The following GPI variants were observed in gnomAD, a reference collection of about 807,000 sequenced individuals.
GPI encodes the protein D-hexose-6-phosphate anomerase.
Under a neutral mutation model 75.8 loss-of-function variants are expected in GPI, and 56 were observed. That is an observed-to-expected ratio of 0.74 (90% CI 0.60 to 0.92). The LOEUF is 0.92. GPI is among the 40% of genes least tolerant of loss of function. The pLI, the probability that GPI is intolerant of heterozygous loss-of-function variation, is 0.00. For missense variants in GPI, 638 were observed against 741.0 expected (o/e 0.86, Z 1.61); for synonymous variants, 288 against 285.4 (o/e 1.01, Z -0.09).
chr19:34,391,317 A>T (rs1234535439), intron 9 of GPI, among the ~76,000 whole-genome samples: 1 of 7,432 alleles, frequency 1.3e-4, no homozygotes, highest in Non-Finnish European at 3.7e-4. Context: ...TGGTATGAGG[A>T]TCTAGGACTG....
At chr19:34,379,808 CAGGCCTGACTG>C (rs1299053966) in intron 8 of GPI, 1 of 621,810 alleles carries the variant, frequency 1.6e-6, no homozygotes, top group African/African-American at 1.8e-5. Flanking sequence ...TTCCGTCTCC[CAGGCCTGACTG>C]ATACACAGAA....
chr19:34,363,493 C>T (rs2074314379), upstream of GPI: 1 of 151,624 alleles, frequency 6.6e-6, no homozygotes, highest in East Asian at 1.9e-4. Flanking sequence ...AGATGAGTAA[C>T]TGGCTTAGAA....
At position 34,400,687 on chromosome 19, in the gene GPI, G is replaced by GTC. The variant is rs1469520480; in HGVS notation, c.*651_*652insTC. On this transcript the variant is annotated 3_prime_UTR_variant, in exon 18 of 18. Coordinates refer to ENST00000356487, the MANE Select transcript of GPI (RefSeq NM_000175.5). ...GAGGATGACTGCCATCTCCTGGCAA[G>GTC]ACGCTCAGGTAGTTCTTTTGCTTTA... is the stretch of plus-strand genomic sequence containing the variant. 1 of 403,366 alleles carries GTC rather than the reference G, an allele frequency of 2.5e-6. No individual in the cohort carries two copies. Among genetic ancestry groups the GTC allele is most frequent in the East Asian group, 3.5e-5 (1 of 28,194 alleles). The allele number at this position is 403,366 out of a possible 1,614,324, so 25.0% of individuals were successfully genotyped here.
chr19:34,365,113 C>A (rs2074334866), upstream of GPI: 1 of 859,180 alleles, frequency 1.2e-6, no homozygotes, highest in Non-Finnish European at 1.5e-6. Flanking sequence ...GGGTCGGGGG[C>A]GGGGCCGGGG....
At chr19:34,381,900 A>C (rs1357285099) in intron 9 of GPI, among the ~76,000 whole-genome samples, 3 of 152,150 alleles carry the variant, frequency 2.0e-5, no homozygotes, top group African/African-American at 7.2e-5. Flanking sequence ...GTGAGGCATG[A>C]GGTATGACCG....
chr19:34,367,001 T>C (rs1171784008), intron 3 of GPI, 150 bp downstream of exon 3: 2 of 716,848 alleles, frequency 2.8e-6, no homozygotes, highest in Non-Finnish European at 5.1e-6. Flanking sequence ...CTCCTGCTTG[T>C]AGCAGGGCTT....
rs2075017779 is a variant in GPI, at chr19:34,401,234, T to C, written c.*1198T>C. The C allele has an allele frequency of 6.6e-6, 1 of 151,830 alleles. No homozygotes were observed. Among genetic ancestry groups the C allele is most frequent in the Admixed American group, 6.6e-5 (1 of 15,248 alleles). The allele number at this position is 151,830 out of a possible 1,614,324, so 9.4% of individuals were successfully genotyped here. A position where few individuals can be genotyped will look rare whatever the true frequency, so the allele number is the denominator to read the frequency against. ...GTAGAGAGACGGGTCTTTTTTTTTT[T>C]TGAGACGGAGTCTCGCTCTGTCGCC... On this transcript the variant is annotated 3_prime_UTR_variant, in exon 18 of 18. Transcript: ENST00000356487.
chr19:34,373,894 GATCC>G (rs1458601787), intron 4 of GPI, among the ~76,000 whole-genome samples: 2 of 152,196 alleles, frequency 1.3e-5, no homozygotes, highest in South Asian at 2.1e-4. Context: ...CAGAGTGAGT[GATCC>G]AATAGAGAGT....
chr19:34,371,358 C>G (rs2074449251), intron 4 of GPI, among the ~76,000 whole-genome samples: 1 of 152,142 alleles, frequency 6.6e-6, no homozygotes, highest in African/African-American at 2.4e-5. Flanking sequence ...ACTCATTTGT[C>G]AGGGGACTTA....
At position 34,379,019 on chromosome 19, in the gene GPI, A is replaced by G. The variant is rs765508122; in HGVS notation, c.705+14A>G. The G allele has an allele frequency of 3.1e-6, 5 of 1,610,146 alleles. No homozygotes were observed. The African/African-American group carries it at 6.7e-5, about 22-fold the overall frequency. ...GCGGCCAAGGATGTGAGTGGGCTATAGGGCCTTCCTCGTGGTTAGCCTCTG... is the reference window on the plus strand; with the variant it reads ...GCGGCCAAGGATGTGAGTGGGCTATGGGGCCTTCCTCGTGGTTAGCCTCTG... On this transcript the variant is annotated intron_variant, in intron 7 of 17. Coordinates refer to ENST00000356487, the MANE Select transcript of GPI (RefSeq NM_000175.5).
rs762852092 is a variant in GPI, at chr19:34,401,027, A to ATT, written c.*1006_*1007dup. On this transcript the variant is annotated 3_prime_UTR_variant, in exon 18 of 18. Transcript: ENST00000356487. ...AGGTATGAGCCACCACGCCCGGCCC[A>ATT]TTTTTTTTTTTTTTTTGACAACTTT... 7.9e-5 allele frequency: 8 copies of ATT among 101,192 alleles called. No homozygotes were observed. The highest frequency in any genetic ancestry group is 1.1e-4 in the African/African-American group (3 of 28,092). 6.3% of individuals were successfully genotyped at this position (101,192 alleles called of 1,614,324 possible).
At chr19:34,391,007 C>G (rs759374006) in intron 9 of GPI, among the ~76,000 whole-genome samples, 3 of 150,284 alleles carry the variant, frequency 2.0e-5, no homozygotes, top group Admixed American at 6.6e-5. Flanking sequence ...GCACCTGGCA[C>G]AGGTATGAGG....
In GPI at chr19:34,393,682, G is replaced by A; in HGVS notation, c.866-46G>A. 6.3e-7 allele frequency: 1 copy of A among 1,592,210 alleles called. No homozygotes were observed. Among genetic ancestry groups the A allele is most frequent in the African/African-American group, 1.3e-5 (1 of 74,666 alleles). On this transcript the variant is annotated intron_variant, in intron 10 of 17. Coordinates refer to ENST00000356487, the MANE Select transcript of GPI (RefSeq NM_000175.5). This position sits in a 1 kb window ranked among gnomAD's most constrained non-coding sequence, Gnocchi z 4.4. ...AAGGAGCTGTGCCCACTGCCCACAG[G>A]ACGCAGGGTGTGGCCACTTCTGTTG... is the stretch of plus-strand genomic sequence containing the variant.
intron 3 of GPI, 44 bp from the exon 4 acceptor site, chr19:34,368,539 G>A (rs767391847): frequency 6.2e-7 from 1 of 1,612,362 alleles, no homozygotes. Flanking sequence ...ATGGCTGCCT[G>A]GGGTTGGGGG....
chr19:34,360,256 A>G (rs1043560942), upstream of GPI, among the ~76,000 whole-genome samples: 1 of 152,130 alleles, frequency 6.6e-6, no homozygotes, highest in Non-Finnish European at 1.5e-5. Context: ...TTGGCTCAGC[A>G]TATGGTAGTG....
intron 9 of GPI, among the ~76,000 whole-genome samples, chr19:34,383,013 A>G (rs1175987807): frequency 6.6e-6 from 1 of 152,176 alleles, no homozygotes; most frequent in Non-Finnish European, 1.5e-5. Context: ...AGCTACAGCC[A>G]TCAGCTCAGG....
At chr19:34,388,538 C>A (rs1349175078) in intron 9 of GPI, among the ~76,000 whole-genome samples, 1 of 152,078 alleles carries the variant, frequency 6.6e-6, no homozygotes, top group Non-Finnish European at 1.5e-5. Flanking sequence ...AAGGTGAGAT[C>A]TGGGGCACTG....
In GPI at chr19:34,393,161, G is replaced by C; in HGVS notation, c.805-87G>C. ...GGCCAGGGCCCTCCGAGACGCCCCT[G>C]TGCAAGACCAGGGACAGGGTTTCCG... is the stretch of plus-strand genomic sequence containing the variant. On this transcript the variant is annotated intron_variant, in intron 9 of 17. Transcript: ENST00000356487. This position sits in a 1 kb window ranked among gnomAD's most constrained non-coding sequence, Gnocchi z 4.4. The C allele has an allele frequency of 9.2e-7, 1 of 1,092,424 alleles. No individual in the cohort carries two copies. Among genetic ancestry groups the C allele is most frequent in the Non-Finnish European group, 1.4e-6 (1 of 706,462 alleles). 67.7% of individuals were successfully genotyped at this position (1,092,424 alleles called of 1,614,324 possible). A position where few individuals can be genotyped will look rare whatever the true frequency, so the allele number is the denominator to read the frequency against.
intron 4 of GPI, among the ~76,000 whole-genome samples, chr19:34,369,934 A>T (rs2145331421): frequency 6.6e-6 from 1 of 152,380 alleles, no homozygotes; most frequent in Admixed American, 6.5e-5. Flanking sequence ...AAATAAATTT[A>T]AAAAATAGAA....
Sources: allele counts gnomAD v4.1 joint callset (sites outside exome capture counted in the v4.1 genomes callset), GRCh38; gene constraint gnomAD v4.1.1; non-coding constraint Gnocchi (gnomAD v3.1); transcripts MANE v1.5; gene names NCBI Gene and HGNC (gene_info 2026-07-23, HGNC 2026-07-21).